FAM174A: variants seen among roughly 807,000 people sequenced by gnomAD.
FAM174A encodes the protein family with sequence similarity 174 member A.
In FAM174A, 14 loss-of-function variants were observed where a neutral mutation model predicts 14.3. The observed-to-expected ratio is 0.98, with a 90% CI of 0.65 to 1.53. The LOEUF (loss-of-function observed/expected upper bound fraction) is 1.53. Among genes scored for constraint, FAM174A ranks in the 40% most tolerant of loss-of-function variants. The pLI, the probability that FAM174A is intolerant of heterozygous loss-of-function variation, is 0.00. For synonymous variants in FAM174A, 108 were observed against 111.4 expected (o/e 0.97, Z 0.19); for missense variants, 241 against 249.6 (o/e 0.97, Z 0.23).
chr5:100,569,636 A>G (rs1031178741), intron 2 of FAM174A, among the ~76,000 whole-genome samples: 4 of 151,918 alleles, frequency 2.6e-5, no homozygotes, highest in Non-Finnish European at 5.9e-5. Flanking sequence ...ATGATGAGAA[A>G]TTGAAGGTGC....
At chr5:100,550,383 T>C (rs905855035) in intron 1 of FAM174A, among the ~76,000 whole-genome samples, 7 of 152,220 alleles carry the variant, frequency 4.6e-5, no homozygotes, top group African/African-American at 1.7e-4. Context: ...GAAATGATGT[T>C]CTTTCAGGCT....
intron 1 of FAM174A, among the ~76,000 whole-genome samples, chr5:100,557,296 T>G (rs1320492693): frequency 1.3e-5 from 2 of 152,080 alleles, no homozygotes. Context: ...CCACTTGATC[T>G]TGGTGGATAA....
chr5:100,564,127 T>C (rs940334214), intron 2 of FAM174A, among the ~76,000 whole-genome samples: 1 of 151,848 alleles, frequency 6.6e-6, no homozygotes, highest in Non-Finnish European at 1.5e-5. Flanking sequence ...CTCCCTGATA[T>C]ATGCTCAGAA....
intron 1 of FAM174A, among the ~76,000 whole-genome samples, chr5:100,546,391 CAGGGGGAGGG>C (rs1243045694): frequency 6.6e-6 from 1 of 152,006 alleles, no homozygotes; most frequent in Admixed American, 6.6e-5. Flanking sequence ...TGTGGGGAGG[CAGGGGGAGGG>C]AGGTCAAGAT....
At chr5:100,575,122 A>G (rs1025919582) in intron 2 of FAM174A, among the ~76,000 whole-genome samples, 2 of 152,148 alleles carry the variant, frequency 1.3e-5, no homozygotes, top group Admixed American at 1.3e-4. Flanking sequence ...TCTGTCTTCT[A>G]TACTACCACT....
chr5:100,553,790 T>C lies in FAM174A; in HGVS notation c.435-8264T>C, dbSNP rs528704643. On this transcript the variant is annotated intron_variant, in intron 1 of 2. Coordinates refer to ENST00000312637, the MANE Select transcript of FAM174A (RefSeq NM_198507.3). Reference sequence around the variant, plus strand: ...ATGTTCAAACCAATGCAGCCAAATGTTTAGGCTATATACAGATAGGGAAAA... The same window carrying C: ...ATGTTCAAACCAATGCAGCCAAATGCTTAGGCTATATACAGATAGGGAAAA... 9.2e-5 allele frequency among the ~76,000 whole-genome samples: 14 copies of C among 152,266 alleles called. No homozygotes were observed. The South Asian group carries it at 2.9e-3, about 32-fold the overall frequency.
intron 2 of FAM174A, among the ~76,000 whole-genome samples, chr5:100,582,473 TG>T (rs1411731493): frequency 1.3e-5 from 2 of 150,560 alleles, no homozygotes; most frequent in African/African-American, 4.9e-5. Context: ...ATGCACATTT[TG>T]TTTTTTTTTT....
intron 1 of FAM174A, among the ~76,000 whole-genome samples, chr5:100,552,862 C>T (rs1746291804): frequency 6.6e-6 from 1 of 151,966 alleles, no homozygotes; most frequent in Admixed American, 6.6e-5. Context: ...TCTGTGCATA[C>T]CAGGTGATGA....
chr5:100,572,416 A>T (rs978571496), intron 2 of FAM174A, among the ~76,000 whole-genome samples: 1 of 88,762 alleles, frequency 1.1e-5, no homozygotes, highest in Non-Finnish European at 2.2e-5. Context: ...CCCACCCCAC[A>T]ACAGTCCCCA....
chr5:100,564,702 A>AT (rs1746602401), intron 2 of FAM174A, among the ~76,000 whole-genome samples: 1 of 151,840 alleles, frequency 6.6e-6, no homozygotes, highest in Non-Finnish European at 1.5e-5. Flanking sequence ...AGAAATTACA[A>AT]TGGGTACCTC....
At chr5:100,549,300 A>G (rs1746218059) in intron 1 of FAM174A, among the ~76,000 whole-genome samples, 1 of 152,172 alleles carries the variant, frequency 6.6e-6, no homozygotes, top group South Asian at 2.1e-4. Flanking sequence ...AGAATTACCA[A>G]GTCTCACATC....
intron 2 of FAM174A, among the ~76,000 whole-genome samples, chr5:100,580,545 G>A (rs1746991288): frequency 2.0e-5 from 3 of 152,206 alleles, no homozygotes; most frequent in Admixed American, 6.5e-5. Flanking sequence ...GGCTAGGCCA[G>A]TCTCTCACAT....
intron 2 of FAM174A, among the ~76,000 whole-genome samples, chr5:100,573,621 A>T (rs1213849080): frequency 6.6e-6 from 1 of 151,370 alleles, no homozygotes; most frequent in East Asian, 1.9e-4. Context: ...GGGTAGGAAG[A>T]ATCAATATCG....
rs1410833361 is a variant in FAM174A at position 100,586,271 on chromosome 5, A to G, written c.*87A>G. On this transcript the variant is annotated 3_prime_UTR_variant, in exon 3 of 3. Transcript: ENST00000312637. ...TAAGGAATAAGAAGCCACTATATCA[A>G]TGTTGGGGGGGTATTTAAGTTACAT... is the stretch of plus-strand genomic sequence containing the variant. 4.7e-6 allele frequency: 4 copies of G among 858,692 alleles called. No individual in the cohort carries two copies. The highest frequency in any genetic ancestry group is 1.7e-5 in the African/African-American group (1 of 57,208). 53.2% of individuals were successfully genotyped at this position (858,692 alleles called of 1,614,324 possible).
chr5:100,579,774 C>T (rs1369474398), intron 2 of FAM174A, among the ~76,000 whole-genome samples: 1 of 152,106 alleles, frequency 6.6e-6, no homozygotes, highest in Non-Finnish European at 1.5e-5. Context: ...CCTCTTAGTA[C>T]TTTTTCACTG....
chr5:100,538,844 C>T (rs1401595266), intron 1 of FAM174A, among the ~76,000 whole-genome samples: 1 of 150,990 alleles, frequency 6.6e-6, no homozygotes, highest in Non-Finnish European at 1.5e-5. Flanking sequence ...ACATTCTCTC[C>T]ACAGTAAAAT....
chr5:100,565,024 G>T (rs1746611696), intron 2 of FAM174A, among the ~76,000 whole-genome samples: 1 of 151,820 alleles, frequency 6.6e-6, no homozygotes. Context: ...CATTTTATGA[G>T]GCTAGTGTTA....
rs568888089 is a variant in FAM174A at position 100,586,181 on chromosome 5, A to G, written c.570A>G (p.Arg190=). 3 of 1,405,430 alleles carry G rather than the reference A, an allele frequency of 2.1e-6. No individual in the cohort carries two copies. Among genetic ancestry groups the G allele is most frequent in the East Asian group, 4.8e-5 (2 of 41,898 alleles). 87.1% of individuals were successfully genotyped at this position (1,405,430 alleles called of 1,614,324 possible). The part of the protein sequence containing the change: ...NTLFDANHPR[R] ...TGGTATTTTTTTCTTTTTCTTGCAG[A>G]TAAGAATGTGCCTTTTGATGAAAGA... The change falls in exon 3 of 3, where the codon AGA becomes AGG. Residue 190 remains arginine, a splice_region_variant and synonymous_variant. Transcript: ENST00000312637.
At chr5:100,542,164 G>A (rs923856934) in intron 1 of FAM174A, among the ~76,000 whole-genome samples, 1 of 152,204 alleles carries the variant, frequency 6.6e-6, no homozygotes, top group African/African-American at 2.4e-5. Flanking sequence ...TTCCCTGGGT[G>A]ATCCATCCAA....
Sources: gnomAD v4.1 joint callset for allele counts (sites outside exome capture counted in the v4.1 genomes callset) on GRCh38, gnomAD v4.1.1 for gene constraint, MANE v1.5 for transcripts, NCBI Gene and HGNC (gene_info 2026-07-23, HGNC 2026-07-21) for gene names.